The following CREB5 variants were observed in gnomAD, a reference collection of about 807,000 sequenced individuals.
The protein encoded by CREB5 is cyclic AMP-responsive element-binding protein 5.
A neutral mutation model predicts 57.1 loss-of-function variants in CREB5; 19 were observed. That is an observed-to-expected ratio of 0.33 (90% CI 0.23 to 0.49). The LOEUF (loss-of-function observed/expected upper bound fraction) is 0.49, where lower values mean the gene tolerates loss of function less well. Among genes scored for constraint, CREB5 ranks in the 20% least tolerant of loss-of-function variants. The pLI, the probability that CREB5 is intolerant of heterozygous loss-of-function variation, is 0.99. For synonymous variants in CREB5, 238 were observed against 238.3 expected (o/e 1.00, Z 0.01); for missense variants, 579 against 671.6 (o/e 0.86, Z 1.52).
At chr7:28,520,298 C>T (rs948655889) in intron 4 of CREB5, among the ~76,000 whole-genome samples, 2 of 151,924 alleles carry the variant, frequency 1.3e-5, no homozygotes, top group Admixed American at 6.6e-5. Context: ...TCTCCGCATC[C>T]TCCTGCCTCA....
chr7:28,325,564 C>G (rs982434086), intron 1 of CREB5, among the ~76,000 whole-genome samples: 5 of 152,338 alleles, frequency 3.3e-5, no homozygotes, highest in South Asian at 2.1e-4. Flanking sequence ...CCTACCTGGT[C>G]TAGACCTTGT....
At chr7:28,799,152 T>G (rs1002567899) in intron 7 of CREB5, among the ~76,000 whole-genome samples, 1 of 152,224 alleles carries the variant, frequency 6.6e-6, no homozygotes, top group Non-Finnish European at 1.5e-5. Flanking sequence ...CTGTGGCACA[T>G]GCAGAGCAGC....
chr7:28,466,763 G>A (rs1176061081), intron 1 of CREB5, among the ~76,000 whole-genome samples: 2 of 152,156 alleles, frequency 1.3e-5, no homozygotes, highest in Non-Finnish European at 2.9e-5. Context: ...TGGAGCCTGA[G>A]TCTCTCTGAG....
At chr7:28,323,075 C>T (rs1785520901) in intron 1 of CREB5, among the ~76,000 whole-genome samples, 1 of 152,136 alleles carries the variant, frequency 6.6e-6, no homozygotes, top group African/African-American at 2.4e-5. Flanking sequence ...CCCTTAGTGC[C>T]CTCATTTCCT....
chr7:28,511,646 G>A (rs183540427), intron 4 of CREB5, among the ~76,000 whole-genome samples: 437 of 152,158 alleles, frequency 2.9e-3, no homozygotes, highest in Middle Eastern at 6.8e-3. Context: ...CACCATGCCC[G>A]GCTCATTTTT....
At chr7:28,396,091 G>A (rs73684335) in intron 1 of CREB5, among the ~76,000 whole-genome samples, 12,557 of 152,208 alleles carry the variant, frequency 0.082, 1,636 homozygotes, top group African/African-American at 0.28. Context: ...TGAGCATGAC[G>A]ACTGAGATTT....
At chr7:28,503,464 A>C (rs1792352486) in intron 3 of CREB5, among the ~76,000 whole-genome samples, 1 of 152,172 alleles carries the variant, frequency 6.6e-6, no homozygotes, top group Non-Finnish European at 1.5e-5. Context: ...ACTACCCATC[A>C]TCAGTGGGAA....
chr7:28,796,992 G>A (rs1583766674), intron 7 of CREB5, among the ~76,000 whole-genome samples: 1 of 152,180 alleles, frequency 6.6e-6, no homozygotes, highest in East Asian at 1.9e-4. Context: ...GCAGGGAAGT[G>A]GTATCTGCAA....
At chr7:28,460,327 T>C (rs955899951) in intron 1 of CREB5, among the ~76,000 whole-genome samples, 2 of 152,226 alleles carry the variant, frequency 1.3e-5, no homozygotes, top group Non-Finnish European at 2.9e-5. Flanking sequence ...ATCTAATTGC[T>C]TTACACATGT....
Position 28,505,748 on chromosome 7 carries a change from A to G in CREB5, c.170-1868A>G, listed in dbSNP as rs376461614. Among the ~76,000 whole-genome samples, 7 of 152,176 alleles carry G rather than the reference A, an allele frequency of 4.6e-5. No individual in the cohort carries two copies. In the East Asian group the frequency reaches 1.2e-3, roughly 25 times the overall value. ...CTCGTTTCTTCATTTATAAAATAGT[A>G]TCGACTCTTGTTACCTCATAGAATC... is the stretch of plus-strand genomic sequence containing the variant. On this transcript the variant is annotated intron_variant, in intron 3 of 10. Transcript: ENST00000357727.
chr7:28,361,670 G>A (rs559653477), intron 1 of CREB5, among the ~76,000 whole-genome samples: 6 of 152,220 alleles, frequency 3.9e-5, no homozygotes, highest in African/African-American at 1.4e-4. Flanking sequence ...CTTTTTCAGG[G>A]CCTCTTTTCA....
chr7:28,410,180 C>T (rs779297402), upstream of CREB5: 10 of 445,700 alleles, frequency 2.2e-5, no homozygotes, highest in South Asian at 3.2e-5. Flanking sequence ...GGGGAGGTCG[C>T]CCTCGGAGGG....
At chr7:28,612,281 C>T (rs1043684721) in intron 5 of CREB5, among the ~76,000 whole-genome samples, 2 of 151,856 alleles carry the variant, frequency 1.3e-5, no homozygotes, top group African/African-American at 4.8e-5. Context: ...GGGCCTGAAG[C>T]ACCAATCAGA....
chr7:28,433,602 G>A (rs1185959990), intron 1 of CREB5, among the ~76,000 whole-genome samples: 1 of 152,136 alleles, frequency 6.6e-6, no homozygotes, highest in East Asian at 1.9e-4. Context: ...CTCTTGAGTA[G>A]CTGGGATTAC....
intron 1 of CREB5, among the ~76,000 whole-genome samples, chr7:28,377,965 G>GA (rs1274691279): frequency 1.2e-4 from 16 of 135,006 alleles, no homozygotes; most frequent in Middle Eastern, 3.8e-3. Flanking sequence ...AAAAGAAAAA[G>GA]AAAAAAAAAG....
At chr7:28,545,432 A>G (rs974681189) in intron 4 of CREB5, among the ~76,000 whole-genome samples, 2 of 152,158 alleles carry the variant, frequency 1.3e-5, no homozygotes, top group African/African-American at 4.8e-5. Context: ...AAGCTATGGT[A>G]CATTTCTTTT....
intron 9 of CREB5, among the ~76,000 whole-genome samples, chr7:28,812,835 T>TAAAC (rs1809204941): frequency 2.0e-5 from 3 of 152,152 alleles, no homozygotes. Context: ...AAATTTTAAG[T>TAAAC]AAACAGAAAT....
At chr7:28,533,315 G>A (rs995748265) in intron 4 of CREB5, among the ~76,000 whole-genome samples, 5 of 152,148 alleles carry the variant, frequency 3.3e-5, no homozygotes, top group Admixed American at 6.5e-5. Flanking sequence ...TTATAAACAT[G>A]TGGACATCAT....
At chr7:28,361,477 C>A (rs79766661) in intron 1 of CREB5, among the ~76,000 whole-genome samples, 116 of 152,356 alleles carry the variant, frequency 7.6e-4, no homozygotes, top group Non-Finnish European at 1.1e-3. Context: ...CTTTTCCCTG[C>A]CCCAGCCCAG....
Sources: gnomAD v4.1 joint callset for allele counts (sites outside exome capture counted in the v4.1 genomes callset) on GRCh38, gnomAD v4.1.1 for gene constraint, MANE v1.5 for transcripts, NCBI Gene and HGNC (gene_info 2026-07-23, HGNC 2026-07-21) for gene names.